Variants in LAMB2 observed in about 807,000 individuals in gnomAD.
The protein encoded by LAMB2 is laminin subunit beta-2.
In LAMB2, 119 loss-of-function variants were observed where a neutral mutation model predicts 202.7. The ratio of observed to expected loss-of-function variants is 0.59; its 90% confidence interval spans 0.51 to 0.68. The LOEUF (loss-of-function observed/expected upper bound fraction) is 0.68, where lower values mean the gene tolerates loss of function less well. Among genes scored for constraint, LAMB2 ranks in the 30% least tolerant of loss-of-function variants. The probability of loss-of-function intolerance (pLI) is 0.00; values close to 1 mark genes in which losing one functional copy is unlikely to be tolerated. For synonymous variants in LAMB2, 818 were observed against 902.2 expected (o/e 0.91, Z 1.67); for missense variants, 2,124 against 2,410.6 (o/e 0.88, Z 2.49).
Position 49,129,851 on chromosome 3 carries a change from G to C in LAMB2, c.1393C>G (p.Leu465Val), listed in dbSNP as rs748963530. 6.2e-7 allele frequency: 1 copy of C among 1,613,862 alleles called. No individual in the cohort carries two copies. The highest frequency in any genetic ancestry group is 1.7e-5 in the Admixed American group (1 of 60,024). ...AGGAGACACATACGCCGGCAGCCCA[G>C]ACGGTCACTGATGCTGAGCCCAAAG... ...GFFGLSISDR[L>V]GCRRCQCNAR... The change falls in exon 10 of 32, where the codon CTG becomes GTG. Residue 465 changes from leucine (L) to valine (V), a missense_variant. This residue lies in a region of LAMB2 where 1,702 missense variants were observed against 1,896.3 expected (regional missense o/e 0.90). Transcript: ENST00000305544. This position sits in a 1 kb window ranked among gnomAD's most constrained non-coding sequence, Gnocchi z 6.1.
Position 49,121,770 on chromosome 3 carries a change from A to G in LAMB2, c.5014T>C (p.Leu1672=), listed in dbSNP as rs2045267503. The G allele has an allele frequency of 6.2e-7, 1 of 1,613,418 alleles. No homozygotes were observed. Among genetic ancestry groups the G allele is most frequent in the Non-Finnish European group, 8.5e-7 (1 of 1,179,958 alleles). Residue 1672 remains leucine (L), a synonymous_variant, in exon 30 of 32, where the codon TTG becomes CTG. Transcript: ENST00000305544. ...QLDALLEALK[L]KRAGNSLAAS... ...GCCAGACTATTTCCTGCCCGTTTCA[A>G]TTTCAGAGCCTCCAGGAGAGCATCC...
chr3:49,130,737 C>G lies in LAMB2; in HGVS notation c.1036+3G>C. 1 of 1,613,916 alleles carries G rather than the reference C, an allele frequency of 6.2e-7. No individual in the cohort carries two copies. The highest frequency in any genetic ancestry group is 8.5e-7 in the Non-Finnish European group (1 of 1,180,014). ...GAGCTATGGAGGCCAAGATCTCACTCACTCCTACAGGCATGACTATGGCCG... is the reference window on the plus strand; with the variant it reads ...GAGCTATGGAGGCCAAGATCTCACTGACTCCTACAGGCATGACTATGGCCG... On this transcript the variant is annotated splice_donor_region_variant and intron_variant, in intron 8 of 31. Transcript: ENST00000305544. The surrounding 1 kb of genome is among the most constrained non-coding windows in gnomAD (Gnocchi z 5.0).
chr3:49,129,037 C>T lies in LAMB2; in HGVS notation c.1714G>A (p.Glu572Lys). ...CCCCACACCTGCCCTCGGGTGTCCT[C>T]AGCCTCCCAAATTAGGTGGTCCAGG... The part of the protein sequence containing the change: ...PFLDHLIWEA[E>K]DTRGQVLDVV... The change falls in exon 13 of 32, where the codon GAG (glutamate) becomes AAG (lysine). Residue 572 changes from glutamate (E) to lysine (K), a missense_variant. Coordinates refer to ENST00000305544, the MANE Select transcript of LAMB2 (RefSeq NM_002292.4). This position sits in a 1 kb window ranked among gnomAD's most constrained non-coding sequence, Gnocchi z 6.1. The T allele has an allele frequency of 6.2e-7, 1 of 1,610,990 alleles. No homozygotes were observed. Among genetic ancestry groups the T allele is most frequent in the Non-Finnish European group, 8.5e-7 (1 of 1,180,020 alleles).
Position 49,125,159 on chromosome 3 carries a change from C to T in LAMB2, c.2731G>A (p.Gly911Ser). The T allele has an allele frequency of 6.2e-7, 1 of 1,613,568 alleles. No homozygotes were observed. Among genetic ancestry groups the T allele is most frequent in the South Asian group, 1.1e-5 (1 of 91,084 alleles). ...GGCAGCCGTGGGTCCCCGTGGAAACCAGCAATGCACCTGCAGGGAGGAGGA... is the reference window on the plus strand; with the variant it reads ...GGCAGCCGTGGGTCCCCGTGGAAACTAGCAATGCACCTGCAGGGAGGAGGA... ...GGEHCERCIA[G>S]FHGDPRLPYG... Residue 911 changes from glycine to serine, a missense_variant, in exon 20 of 32, where the codon GGT becomes AGT. By Grantham distance (56) the Gly-to-Ser change is moderately conservative. Around this residue, in one of 3 missense-constraint regions of LAMB2, gnomAD observed 1,702 missense variants for 1,896.3 expected, o/e 0.90. Coordinates refer to ENST00000305544, the MANE Select transcript of LAMB2 (RefSeq NM_002292.4).
In LAMB2 at chr3:49,125,153, G is replaced by A. The variant is rs758495729; in HGVS notation, c.2737C>T (p.His913Tyr). The A allele has an allele frequency of 6.2e-7, 1 of 1,613,548 alleles. No homozygotes were observed. Among genetic ancestry groups the A allele is most frequent in the East Asian group, 2.2e-5 (1 of 44,882 alleles). The change falls in exon 20 of 32, where the codon CAC becomes TAC. Residue 913 changes from histidine to tyrosine, a missense_variant. Around this residue, in one of 3 missense-constraint regions of LAMB2, gnomAD observed 1,702 missense variants for 1,896.3 expected, o/e 0.90. Coordinates refer to ENST00000305544, the MANE Select transcript of LAMB2 (RefSeq NM_002292.4). ...CCATATGGCAGCCGTGGGTCCCCGT[G>A]GAAACCAGCAATGCACCTGCAGGGA... The part of the protein sequence containing the change: ...EHCERCIAGF[H>Y]GDPRLPYGGQ...
In LAMB2 at chr3:49,121,592, G is replaced by A. The variant is rs2045251073; in HGVS notation, c.5101C>T (p.Leu1701=). The part of the protein sequence containing the change: ...AQGRAQEAEQ[L]LRGPLGDQYQ... Reference sequence around the variant, plus strand: ...TGATCACCCAGAGGACCGCGTAGCAGCTGCAGATGTAGAGGGTTAGGTTAG... The same window carrying A: ...TGATCACCCAGAGGACCGCGTAGCAACTGCAGATGTAGAGGGTTAGGTTAG... Residue 1701 remains leucine, a splice_region_variant and synonymous_variant, in exon 31 of 32, where the codon CTG becomes TTG. Coordinates refer to ENST00000305544, the MANE Select transcript of LAMB2 (RefSeq NM_002292.4). 6.2e-7 allele frequency: 1 copy of A among 1,614,016 alleles called. No homozygotes were observed.
In LAMB2 at chr3:49,121,741, G is replaced by C; in HGVS notation, c.5043C>G (p.Ala1681=). Residue 1681 remains alanine (A), a synonymous_variant, in exon 30 of 32, where the codon GCC becomes GCG. Transcript: ENST00000305544. ...TGCCTGCCGTTTCTTCTGCTGTAGA[G>C]GCTGCCAGACTATTTCCTGCCCGTT... The part of the protein sequence containing the change: ...KLKRAGNSLA[A]STAEETAGSA... 1 of 1,613,902 alleles carries C rather than the reference G, an allele frequency of 6.2e-7. No individual in the cohort carries two copies. Among genetic ancestry groups the C allele is most frequent in the Non-Finnish European group, 8.5e-7 (1 of 1,180,046 alleles).
At position 49,132,224 on chromosome 3, in the gene LAMB2, T is replaced by G. The variant is rs771653053; in HGVS notation, c.386-35A>C. On this transcript the variant is annotated intron_variant, in intron 3 of 31. Coordinates refer to ENST00000305544, the MANE Select transcript of LAMB2 (RefSeq NM_002292.4). This position sits in a 1 kb window ranked among gnomAD's most constrained non-coding sequence, Gnocchi z 4.6. ...GAATCGGAAGTCAAGGACTCAAAGC[T>G]ACTGGTGGGCAGCCCTGCTCACTTT... 3 of 1,614,042 alleles carry G rather than the reference T, an allele frequency of 1.9e-6. No individual in the cohort carries two copies. The highest frequency in any genetic ancestry group is 1.6e-4 in the Middle Eastern group (1 of 6,084).
Position 49,129,916 on chromosome 3 carries a change from T to C in LAMB2, c.1328A>G (p.His443Arg). The C allele has an allele frequency of 1.2e-6, 2 of 1,613,984 alleles. No individual in the cohort carries two copies. The highest frequency in any genetic ancestry group is 1.7e-6 in the Non-Finnish European group (2 of 1,180,016). The change falls in exon 10 of 32, where the codon CAT (histidine) becomes CGT (arginine). Residue 443 changes from histidine to arginine, a missense_variant. By Grantham distance (29) the His-to-Arg change is conservative. Around this residue, in one of 3 missense-constraint regions of LAMB2, gnomAD observed 1,702 missense variants for 1,896.3 expected, o/e 0.90. Coordinates refer to ENST00000305544, the MANE Select transcript of LAMB2 (RefSeq NM_002292.4). This position sits in a 1 kb window ranked among gnomAD's most constrained non-coding sequence, Gnocchi z 6.1. ...LVSGQCRCKE[H>R]VVGTRCQQCR... Reference sequence around the variant, plus strand: ...TTGCTGGCAGCGAGTGCCCACCACATGTTCTTTGCAGCGACACTGGCCGGA... The same window carrying C: ...TTGCTGGCAGCGAGTGCCCACCACACGTTCTTTGCAGCGACACTGGCCGGA...
chr3:49,130,164 GC>G lies in LAMB2; in HGVS notation c.1225+66del. ...ACCCCAATTTCCTGCAATTTAGACA[GC>G]AGTCCAGCTCTCTAGTTCCTGCCCC... On this transcript the variant is annotated intron_variant, in intron 9 of 31. Transcript: ENST00000305544. This position sits in a 1 kb window ranked among gnomAD's most constrained non-coding sequence, Gnocchi z 5.0. 1 of 1,596,750 alleles carries G rather than the reference GC, an allele frequency of 6.3e-7. No homozygotes were observed. Among genetic ancestry groups the G allele is most frequent in the Non-Finnish European group, 8.6e-7 (1 of 1,167,186 alleles).
At position 49,126,024 on chromosome 3, in the gene LAMB2, C is replaced by T. The variant is rs759414323; in HGVS notation, c.2287G>A (p.Glu763Lys). The T allele has an allele frequency of 3.1e-6, 5 of 1,614,156 alleles. No homozygotes were observed. In the East Asian group the frequency reaches 1.1e-4, roughly 36 times the overall value. Reference protein sequence around the residue: ...GLVPSKTSPSEACAPLLISLS... With the variant: ...GLVPSKTSPSKACAPLLISLS... Reference sequence around the variant, plus strand: ...CTGATGAGGAGGGGTGCGCAGGCCTCAGAGGGAGAAGTCTTGCTGGGCACC... The same window carrying T: ...CTGATGAGGAGGGGTGCGCAGGCCTTAGAGGGAGAAGTCTTGCTGGGCACC... The change falls in exon 17 of 32, where the codon GAG becomes AAG. Residue 763 changes from glutamate to lysine, a missense_variant. Physicochemically the swap from Glu to Lys is moderately conservative, Grantham distance 56 (BLOSUM62 1). Coordinates refer to ENST00000305544, the MANE Select transcript of LAMB2 (RefSeq NM_002292.4).
Position 49,122,163 on chromosome 3 carries a change from C to CT in LAMB2, c.4780dup (p.Arg1594LysfsTer5). 1 of 1,613,590 alleles carries CT rather than the reference C, an allele frequency of 6.2e-7. No individual in the cohort carries two copies. Among genetic ancestry groups the CT allele is most frequent in the South Asian group, 1.1e-5 (1 of 91,090 alleles). On this transcript the variant is annotated frameshift_variant and splice_region_variant, in exon 28 of 32. Coordinates refer to ENST00000305544, the MANE Select transcript of LAMB2 (RefSeq NM_002292.4). LOFTEE classifies it high-confidence loss of function. ...ATAGGGGCCAGGGATGGGGTCAGAC[C>CT]TTGCCCGCCGTGCATCCTGCAGTAG...
chr3:49,124,504 C>T lies in LAMB2; in HGVS notation c.3218G>A (p.Gly1073Asp), dbSNP rs761209033. The change falls in exon 22 of 32, where the codon GGC (glycine) becomes GAC (aspartate). Residue 1073 changes from glycine to aspartate, a missense_variant. Physicochemically the swap from Gly to Asp is moderately conservative, Grantham distance 94. Transcript: ENST00000305544. ...GGGGGCACAGCGGTCACAGCTAGGG[C>T]CCTGGACATTGGGGAGGCATGGGCA... ...GQCPCLPNVQ[G>D]PSCDRCAPNF... 1.9e-6 allele frequency: 3 copies of T among 1,613,798 alleles called. No homozygotes were observed. The highest frequency in any genetic ancestry group is 2.2e-5 in the South Asian group (2 of 91,082).
In LAMB2 at chr3:49,132,372, G is replaced by A. The variant is rs1054116554; in HGVS notation, c.283C>T (p.Arg95Cys). The A allele has an allele frequency of 5.0e-6, 8 of 1,614,108 alleles. No individual in the cohort carries two copies. Among genetic ancestry groups the A allele is most frequent in the African/African-American group, 2.7e-5 (2 of 74,934 alleles). The change falls in exon 3 of 32, where the codon CGC (arginine) becomes TGC (cysteine). Residue 95 changes from arginine (R) to cysteine (C), a missense_variant. Arg to Cys is a radical substitution (Grantham distance 180). This residue lies in a region of LAMB2 where 166 missense variants were observed against 158.2 expected (regional missense o/e 1.05). Coordinates refer to ENST00000305544, the MANE Select transcript of LAMB2 (RefSeq NM_002292.4). The surrounding 1 kb of genome is among the most constrained non-coding windows in gnomAD (Gnocchi z 4.6). The stretch of plus-strand genomic sequence containing the variant: ...GGGTTGTCTCTAGCAGAGAAGGGGC[G>A]CCGGGAGTCACAAAGGAAGCACTTC... ...EKKCFLCDSR[R>C]PFSARDNPHS...
chr3:49,123,293 G>C lies in LAMB2; in HGVS notation c.4063C>G (p.Pro1355Ala). The stretch of plus-strand genomic sequence containing the variant: ...CTTGCCGAGTTGCTCACAGGGCTAG[G>C]TACTGCCAGGGCTGAGGTATTGGCA... ...RRANTSALAV[P>A]SPVSNSASAR... is the part of the protein sequence containing the mutation. Residue 1355 changes from proline (P) to alanine (A), a missense_variant, in exon 26 of 32, where the codon CCT becomes GCT. Physicochemically the swap from Pro to Ala is conservative, Grantham distance 27 (BLOSUM62 -1). This residue lies in a region of LAMB2 where 1,702 missense variants were observed against 1,896.3 expected (regional missense o/e 0.90). Transcript: ENST00000305544. 6.2e-7 allele frequency: 1 copy of C among 1,614,118 alleles called. No individual in the cohort carries two copies. The highest frequency in any genetic ancestry group is 1.1e-5 in the South Asian group (1 of 91,090).
Position 49,132,042 on chromosome 3 carries a change from G to A in LAMB2, c.459+74C>T, listed in dbSNP as rs2107645173. 1.4e-6 allele frequency: 2 copies of A among 1,399,198 alleles called. No individual in the cohort carries two copies. Among genetic ancestry groups the A allele is most frequent in the Middle Eastern group, 1.9e-4 (1 of 5,388 alleles). 86.7% of individuals were successfully genotyped at this position (1,399,198 alleles called of 1,614,324 possible). A position where few individuals can be genotyped will look rare whatever the true frequency, so the allele number is the denominator to read the frequency against. Reference sequence around the variant, plus strand: ...CCATGCTCAAGGAGGCTGTGTTAAGGAGCTGAGGCTCTGTCCAGGGGCAAT... The same window carrying A: ...CCATGCTCAAGGAGGCTGTGTTAAGAAGCTGAGGCTCTGTCCAGGGGCAAT... On this transcript the variant is annotated intron_variant, in intron 4 of 31. Transcript: ENST00000305544. The surrounding 1 kb of genome is among the most constrained non-coding windows in gnomAD (Gnocchi z 4.6).
chr3:49,124,229 G>C lies in LAMB2; in HGVS notation c.3385C>G (p.Gln1129Glu). 1 of 1,614,004 alleles carries C rather than the reference G, an allele frequency of 6.2e-7. No individual in the cohort carries two copies. The highest frequency in any genetic ancestry group is 8.5e-7 in the Non-Finnish European group (1 of 1,179,954). Residue 1129 changes from glutamine (Q) to glutamate (E), a missense_variant, in exon 23 of 32, where the codon CAA (glutamine) becomes GAA (glutamate). By Grantham distance (29) the Gln-to-Glu change is conservative. Coordinates refer to ENST00000305544, the MANE Select transcript of LAMB2 (RefSeq NM_002292.4). ...CCAGGGTCTCCCCAGTGGAGCTCTT[G>C]GCACTCAGAACAAGTCCGCCCTCCA... is the stretch of plus-strand genomic sequence containing the variant. Reference protein sequence around the residue: ...GFGGRTCSECQELHWGDPGLQ... With the variant: ...GFGGRTCSECEELHWGDPGLQ...
In LAMB2 at chr3:49,130,472, G is replaced by A; in HGVS notation, c.1037-53C>T. On this transcript the variant is annotated intron_variant, in intron 8 of 31. Coordinates refer to ENST00000305544, the MANE Select transcript of LAMB2 (RefSeq NM_002292.4). The surrounding 1 kb of genome is among the most constrained non-coding windows in gnomAD (Gnocchi z 5.0). ...GGCCACATGAGGAACCAGGTCACAA[G>A]GGTAAGAAGTAGGCCACCTTAGATC... 1.2e-6 allele frequency: 2 copies of A among 1,605,118 alleles called. No homozygotes were observed. Among genetic ancestry groups the A allele is most frequent in the Non-Finnish European group, 1.7e-6 (2 of 1,172,666 alleles).
rs2045490637 is a variant in LAMB2, at chr3:49,132,370, G to A, written c.285C>T (p.Arg95=). 2 of 1,614,234 alleles carry A rather than the reference G, an allele frequency of 1.2e-6. No individual in the cohort carries two copies. Among genetic ancestry groups the A allele is most frequent in the Non-Finnish European group, 1.7e-6 (2 of 1,180,044 alleles). Residue 95 remains arginine (R), a synonymous_variant, in exon 3 of 32, where the codon CGC becomes CGT. Transcript: ENST00000305544. This position sits in a 1 kb window ranked among gnomAD's most constrained non-coding sequence, Gnocchi z 4.6. ...EKKCFLCDSR[R]PFSARDNPHS... ...GTGGGTTGTCTCTAGCAGAGAAGGG[G>A]CGCCGGGAGTCACAAAGGAAGCACT... is the stretch of plus-strand genomic sequence containing the variant.
Sources: allele counts gnomAD v4.1 joint callset, GRCh38; gene constraint gnomAD v4.1.1; regional missense constraint gnomAD v4.1.1; non-coding constraint Gnocchi (gnomAD v3.1); transcripts MANE v1.5; gene names NCBI Gene and HGNC (gene_info 2026-07-23, HGNC 2026-07-21).